The following EMC2 variants were observed in gnomAD, a reference collection of about 807,000 sequenced individuals.
The protein encoded by EMC2 is ER membrane protein complex subunit 2, also known as TPR repeat protein 35.
A neutral mutation model predicts 51.6 loss-of-function variants in EMC2; 37 were observed. The observed-to-expected ratio is 0.72, with a 90% CI of 0.55 to 0.94. The LOEUF (loss-of-function observed/expected upper bound fraction) is 0.94, where lower values mean the gene tolerates loss of function less well. Among genes scored for constraint, EMC2 ranks in the 40% least tolerant of loss-of-function variants. The pLI is 0.00. For synonymous variants in EMC2, 131 were observed against 112.4 expected, an observed-to-expected ratio of 1.17 and a Z score of -1.04; for missense variants, 359 against 350.9, an observed-to-expected ratio of 1.02 and a Z score of -0.18.
intron 8 of EMC2, 46 bp downstream of exon 8, chr8:108,476,009 A>C (rs747839706): frequency 1.9e-6 from 2 of 1,034,304 alleles, no homozygotes; most frequent in Admixed American, 2.3e-5. Context: ...TTTGGTTACT[A>C]TTCGGTGTTA....
chr8:108,475,422 T>C (rs1810929978), intron 7 of EMC2: 1 of 152,422 alleles, frequency 6.6e-6, no homozygotes, highest in Non-Finnish European at 1.5e-5. Flanking sequence ...ATAGAATATG[T>C]TGGTAAATAT....
chr8:108,467,799 CAAAT>C (rs1297016416), intron 5 of EMC2, among the ~76,000 whole-genome samples: 2 of 152,140 alleles, frequency 1.3e-5, no homozygotes. Context: ...ATATAAATAT[CAAAT>C]AAAGCAAGTC....
At chr8:108,479,365 G>A (rs544705177) in intron 10 of EMC2, among the ~76,000 whole-genome samples, 3 of 152,102 alleles carry the variant, frequency 2.0e-5, no homozygotes, top group South Asian at 4.2e-4. Context: ...TTTGGCAAAC[G>A]CAAAGTAATT....
chr8:108,457,914 C>G (rs1026564541), intron 5 of EMC2, among the ~76,000 whole-genome samples: 1 of 152,204 alleles, frequency 6.6e-6, no homozygotes, highest in African/African-American at 2.4e-5. Context: ...TGAGATAAGG[C>G]AAGTCCCTTC....
At chr8:108,449,268 A>G (rs977992111) in intron 1 of EMC2, among the ~76,000 whole-genome samples, 5 of 126,932 alleles carry the variant, frequency 3.9e-5, no homozygotes, top group Admixed American at 1.7e-4. Context: ...GGGTGCCACC[A>G]TGCTGCCTTT....
At chr8:108,462,213 T>TTGTGTGCATGTGTGTGTGTG (rs1554617985) in intron 5 of EMC2, among the ~76,000 whole-genome samples, 1,495 of 122,574 alleles carry the variant, frequency 0.012, 33 homozygotes, top group African/African-American at 0.037. Context: ...TGTGTGTGTT[T>TTGTGTGCATGTGTGTGTGTG]TGTGTGCGTG....
Position 108,463,409 on chromosome 8 carries a change from T to A in EMC2, c.364-6417T>A, listed in dbSNP as rs182238926. Among the ~76,000 whole-genome samples, 1,500 of 152,294 alleles carry A rather than the reference T, an allele frequency of 9.8e-3. 79 individuals are homozygous for A. Among genetic ancestry groups the A allele is most frequent in the Admixed American group, 0.09 (1,376 of 15,298 alleles). ...TGGCACTTTTTTTTTCGGCTTGCGT[T>A]TTGAAAATGATTGACTTTTCATACT... On this transcript the variant is annotated intron_variant, in intron 5 of 10. Transcript: ENST00000220853.
At chr8:108,459,721 A>AGTGTGT (rs1554617756) in intron 5 of EMC2, among the ~76,000 whole-genome samples, 2 of 136,878 alleles carry the variant, frequency 1.5e-5, no homozygotes, top group Admixed American at 7.2e-5. Context: ...AGAGAGAGAG[A>AGTGTGT]GTGTGTGTGT....
chr8:108,465,727 ATCT>A (rs1428014257), intron 5 of EMC2, among the ~76,000 whole-genome samples: 1 of 152,242 alleles, frequency 6.6e-6, no homozygotes, highest in Non-Finnish European at 1.5e-5. Flanking sequence ...TTGGCTAAAA[ATCT>A]TCTAAACTTT....
intron 7 of EMC2, 62 bp downstream of exon 7, chr8:108,470,183 G>A: frequency 8.7e-7 from 1 of 1,152,584 alleles, no homozygotes; most frequent in Non-Finnish European, 1.3e-6. Flanking sequence ...AGTTCAGAAA[G>A]CACTGTGGTT....
intron 9 of EMC2, among the ~76,000 whole-genome samples, chr8:108,478,129 A>G (rs1467872099): frequency 6.6e-6 from 1 of 152,106 alleles, no homozygotes; most frequent in African/African-American, 2.4e-5. Flanking sequence ...AGGGAGACAT[A>G]GGTGAAAGAG....
intron 5 of EMC2, among the ~76,000 whole-genome samples, chr8:108,458,005 C>T (rs1819210871): frequency 6.6e-6 from 1 of 152,154 alleles, no homozygotes; most frequent in Non-Finnish European, 1.5e-5. Context: ...TAAATACAGC[C>T]ATTCCAAATG....
At chr8:108,467,751 A>T (rs1022413113) in intron 5 of EMC2, among the ~76,000 whole-genome samples, 1 of 151,936 alleles carries the variant, frequency 6.6e-6, no homozygotes, top group African/African-American at 2.4e-5. Context: ...ACAGTATCTC[A>T]TCTCTGCTGT....
At position 108,476,031 on chromosome 8, in the gene EMC2, A is replaced by C; in HGVS notation, c.591+68A>C. ...ACTATTCGGTGTTATTATGGAACTAAGAATATTTCCTTGATGTTAAGCAAG... is the reference window on the plus strand; with the variant it reads ...ACTATTCGGTGTTATTATGGAACTACGAATATTTCCTTGATGTTAAGCAAG... On this transcript the variant is annotated intron_variant, in intron 8 of 10. Transcript: ENST00000220853. The C allele has an allele frequency of 3.7e-6, 3 of 810,644 alleles. 1 individual carries two copies. The South Asian group carries it at 5.1e-5, about 14-fold the overall frequency. The allele number at this position is 810,644 out of a possible 1,614,324, so 50.2% of individuals were successfully genotyped here.
intron 5 of EMC2, among the ~76,000 whole-genome samples, chr8:108,457,673 A>G (rs910631076): frequency 1.3e-5 from 2 of 152,200 alleles, no homozygotes; most frequent in South Asian, 2.1e-4. Flanking sequence ...ACCCGCCCCC[A>G]TAATTCAGTC....
At chr8:108,478,272 T>G (rs186245720) in intron 9 of EMC2, among the ~76,000 whole-genome samples, 1 of 152,200 alleles carries the variant, frequency 6.6e-6, no homozygotes, top group East Asian at 1.9e-4. Context: ...ATATATACAT[T>G]TAATAATTAG....
intron 1 of EMC2, among the ~76,000 whole-genome samples, chr8:108,445,782 A>G (rs1021805401): frequency 1.3e-5 from 2 of 152,222 alleles, no homozygotes; most frequent in African/African-American, 2.4e-5. Flanking sequence ...AGCCTGACAC[A>G]TGGGGGCGGA....
intron 5 of EMC2, among the ~76,000 whole-genome samples, chr8:108,468,187 C>T (rs1810769846): frequency 6.6e-6 from 1 of 151,994 alleles, no homozygotes; most frequent in South Asian, 2.1e-4. Context: ...TTAATTTATC[C>T]CTCATCTATT....
intron 5 of EMC2, among the ~76,000 whole-genome samples, chr8:108,464,721 C>T (rs1819425606): frequency 6.6e-6 from 1 of 152,168 alleles, no homozygotes; most frequent in African/African-American, 2.4e-5. Context: ...GTAAAACCTC[C>T]ACTTTGAGCT....
Sources: gnomAD v4.1 joint callset for allele counts (sites outside exome capture counted in the v4.1 genomes callset) on GRCh38, gnomAD v4.1.1 for gene constraint, MANE v1.5 for transcripts, NCBI Gene and HGNC (gene_info 2026-07-23, HGNC 2026-07-21) for gene names.